Variants in DBH observed in about 807,000 individuals in gnomAD.
DBH encodes dopamine beta-hydroxylase (dopamine beta-monooxygenase).
A neutral mutation model predicts 64.0 loss-of-function variants in DBH; 49 were observed. The observed-to-expected ratio is 0.77, with a 90% CI of 0.61 to 0.97. The LOEUF is 0.97. Among genes scored for constraint, DBH ranks in the 50% least tolerant of loss-of-function variants. DBH has a pLI of 0.00. For missense variants in DBH, 828 were observed against 826.6 expected, an observed-to-expected ratio of 1.00 and a Z score of -0.02; for synonymous variants, 343 against 347.1, an observed-to-expected ratio of 0.99 and a Z score of 0.13.
At chr9:133,649,557 G>A (rs566034760) in intron 6 of DBH, among the ~76,000 whole-genome samples, 10 of 152,344 alleles carry the variant, frequency 6.6e-5, no homozygotes, top group African/African-American at 2.4e-4. Context: ...TGAGCCCCCA[G>A]AGCATCCCAG....
chr9:133,642,065 C>A, intron 2 of DBH, 142 bp from the exon 3 acceptor site: 2 of 1,201,210 alleles, frequency 1.7e-6, no homozygotes, highest in Non-Finnish European at 2.4e-6. Context: ...GCCATGCAAG[C>A]CTCAAGGGTC....
At chr9:133,654,682 A>G (rs1832292851) in intron 9 of DBH, 1 of 152,244 alleles carries the variant, frequency 6.6e-6, no homozygotes, top group Non-Finnish European at 1.5e-5. Context: ...CACTGCTCTA[A>G]TAACTCATCC....
In DBH at chr9:133,642,886, C is replaced by T. The variant is rs145386570; in HGVS notation, c.744+422C>T. On this transcript the variant is annotated intron_variant, in intron 3 of 11. Transcript: ENST00000393056. The stretch of plus-strand genomic sequence containing the variant: ...CGAGTGTCCACTATGCCACTAGTCC[C>T]GGGGGAGGGGCGAGGTGATCCCTCC... Among the ~76,000 whole-genome samples the T allele has an allele frequency of 9.2e-5, 14 of 152,266 alleles. No homozygotes were observed. The East Asian group carries it at 2.3e-3, about 25-fold the overall frequency.
intron 5 of DBH, among the ~76,000 whole-genome samples, chr9:133,647,286 C>T (rs1832193097): frequency 1.3e-5 from 2 of 152,234 alleles, no homozygotes; most frequent in African/African-American, 4.8e-5. Context: ...GATACACTCA[C>T]ACTTGCCCAG....
intron 2 of DBH, among the ~76,000 whole-genome samples, chr9:133,641,488 G>A (rs111724879): frequency 1.3e-5 from 2 of 152,214 alleles, no homozygotes; most frequent in African/African-American, 2.4e-5. Context: ...TGCACAGGGC[G>A]GCCCATCGGC....
chr9:133,640,590 C>A (rs1025781323), intron 2 of DBH, among the ~76,000 whole-genome samples: 1 of 152,244 alleles, frequency 6.6e-6, no homozygotes, highest in Non-Finnish European at 1.5e-5. Context: ...ACCCACCTTG[C>A]CCTTGAAGAC....
chr9:133,640,585 C>T (rs575172564), intron 2 of DBH, among the ~76,000 whole-genome samples: 3 of 152,384 alleles, frequency 2.0e-5, no homozygotes, highest in Admixed American at 1.3e-4. Context: ...AAGCAACCCA[C>T]CTTGCCCTTG....
At position 133,656,662 on chromosome 9, in the gene DBH, C is replaced by T; in HGVS notation, c.1562+12C>T. On this transcript the variant is annotated intron_variant, in intron 10 of 11. Transcript: ENST00000393056. The stretch of plus-strand genomic sequence containing the variant: ...CACCTCATCAACAGGTGAGGGCTCC[C>T]TGCACAAGCTCCCTGCCCCCAGGGA... 1 of 1,611,010 alleles carries T rather than the reference C, an allele frequency of 6.2e-7. No homozygotes were observed. Among genetic ancestry groups the T allele is most frequent in the Non-Finnish European group, 8.5e-7 (1 of 1,179,860 alleles).
chr9:133,657,116 C>G lies in DBH; in HGVS notation c.1609C>G (p.Gln537Glu). The G allele has an allele frequency of 6.2e-7, 1 of 1,614,090 alleles. No individual in the cohort carries two copies. Among genetic ancestry groups the G allele is most frequent in the Non-Finnish European group, 8.5e-7 (1 of 1,180,018 alleles). ...CACCTGCCCTCAGGCGTCCGTGTCT[C>G]AGCAGTTCACCTCTGTTCCCTGGAA... ...VCTCPQASVS[Q>E]QFTSVPWNSF... Residue 537 changes from glutamine (Q) to glutamate (E), a missense_variant, in exon 11 of 12, where the codon CAG becomes GAG. By Grantham distance (29) the Gln-to-Glu change is conservative. Coordinates refer to ENST00000393056, the MANE Select transcript of DBH (RefSeq NM_000787.4).
rs1309431030 is a variant in DBH at position 133,643,729 on chromosome 9, G to A, written c.921+140G>A. ...GCTCACGAGGCCACCAGAAGGGCCA[G>A]GCCTGAGGTGGCCCCCTCGCCTCTG... On this transcript the variant is annotated intron_variant, in intron 4 of 11. Coordinates refer to ENST00000393056, the MANE Select transcript of DBH (RefSeq NM_000787.4). This position sits in a 1 kb window ranked among gnomAD's most constrained non-coding sequence, Gnocchi z 5.3. The A allele has an allele frequency of 9.3e-6, 8 of 860,410 alleles. No individual in the cohort carries two copies. Among genetic ancestry groups the A allele is most frequent in the Non-Finnish European group, 1.4e-5 (8 of 559,466 alleles). The allele number at this position is 860,410 out of a possible 1,614,324, so 53.3% of individuals were successfully genotyped here.
At chr9:133,647,228 G>C (rs1832192542) in intron 5 of DBH, among the ~76,000 whole-genome samples, 1 of 152,230 alleles carries the variant, frequency 6.6e-6, no homozygotes, top group Non-Finnish European at 1.5e-5. Flanking sequence ...AGTGGGGGCT[G>C]CTGGGAGGAT....
chr9:133,647,983 G>T lies in DBH; in HGVS notation c.1162G>T (p.Gly388Cys). The T allele has an allele frequency of 6.2e-7, 1 of 1,613,496 alleles. No homozygotes were observed. Residue 388 changes from glycine to cysteine, a missense_variant, in exon 6 of 12, where the codon GGC (glycine) becomes TGC (cysteine). Physicochemically the swap from Gly to Cys is radical, Grantham distance 159. Transcript: ENST00000393056. ...ACGGGAGACCGCCTTCATCCTCACT[G>T]GCTACTGCACGGACAAGTGCACCCA... is the stretch of plus-strand genomic sequence containing the variant. Reference protein sequence around the residue: ...PPRETAFILTGYCTDKCTQLA... With the variant: ...PPRETAFILTCYCTDKCTQLA...
intron 9 of DBH, among the ~76,000 whole-genome samples, chr9:133,654,123 A>ATTTTATTTTATTTT (rs1564214008): frequency 1.1e-5 from 1 of 89,784 alleles, no homozygotes; most frequent in Non-Finnish European, 2.5e-5. Flanking sequence ...TTTATATTTT[A>ATTTTATTTTATTTT]TTTTTTTTTG....
chr9:133,658,100 C>T (rs1832358984), intron 11 of DBH, among the ~76,000 whole-genome samples: 1 of 151,506 alleles, frequency 6.6e-6, no homozygotes, highest in African/African-American at 2.4e-5. Context: ...CTGGATGACT[C>T]CCAGGTTCCT....
At position 133,653,872 on chromosome 9, in the gene DBH, G is replaced by C. The variant is rs3025414; in HGVS notation, c.1434+873G>C. On this transcript the variant is annotated intron_variant, in intron 9 of 11. Transcript: ENST00000393056. The stretch of plus-strand genomic sequence containing the variant: ...CCAGGCACAAGCCAGGGCTGTCCTG[G>C]CAAATGGGCCACCTTGCCAGTGGAT... 7.7e-3 allele frequency among the ~76,000 whole-genome samples: 1,173 copies of C among 152,334 alleles called. 12 individuals carry two copies. Among genetic ancestry groups the C allele is most frequent in the African/African-American group, 0.027 (1,111 of 41,574 alleles).
chr9:133,643,874 C>T lies in DBH; in HGVS notation c.921+285C>T, dbSNP rs550239128. Among the ~76,000 whole-genome samples, 37 of 152,274 alleles carry T rather than the reference C, an allele frequency of 2.4e-4. No individual in the cohort carries two copies. The South Asian group carries it at 7.5e-3, about 31-fold the overall frequency. ...CCAACTGGAGTCAGGGTTTTGTGTA[C>T]AGGTGGTCCCAGGGCTGGCTGGCGG... On this transcript the variant is annotated intron_variant, in intron 4 of 11. Coordinates refer to ENST00000393056, the MANE Select transcript of DBH (RefSeq NM_000787.4). This position sits in a 1 kb window ranked among gnomAD's most constrained non-coding sequence, Gnocchi z 5.3.
intron 5 of DBH, 49 bp from the exon 6 acceptor site, chr9:133,647,797 A>G (rs368526002): frequency 1.6e-4 from 261 of 1,608,178 alleles, no homozygotes; most frequent in Non-Finnish European, 2.1e-4. Flanking sequence ...GGGGGAAGTG[A>G]GAGGGCCTCC....
chr9:133,657,694 G>A (rs564810449), intron 11 of DBH, among the ~76,000 whole-genome samples: 4 of 151,788 alleles, frequency 2.6e-5, no homozygotes, highest in East Asian at 2.0e-4. Context: ...CTGAAGCTGC[G>A]AGCTGGTTTT....
At chr9:133,654,059 G>A (rs977528521) in intron 9 of DBH, among the ~76,000 whole-genome samples, 2 of 152,134 alleles carry the variant, frequency 1.3e-5, no homozygotes, top group East Asian at 1.9e-4. Context: ...AATCCAATGT[G>A]GATTCACCTG....
Sources: gnomAD v4.1 joint callset for allele counts (sites outside exome capture counted in the v4.1 genomes callset) on GRCh38, gnomAD v4.1.1 for gene constraint, Gnocchi (gnomAD v3.1) non-coding constraint, MANE v1.5 for transcripts, NCBI Gene and HGNC (gene_info 2026-07-23, HGNC 2026-07-21) for gene names.